The following ZSWIM4 variants were observed in gnomAD, a reference collection of about 807,000 sequenced individuals.
The protein encoded by ZSWIM4 is zinc finger SWIM domain-containing protein 4.
ZSWIM4 carries 62 observed loss-of-function variants against 102.5 expected under a neutral mutation model. The observed-to-expected ratio is 0.60, with a 90% CI of 0.49 to 0.75. ZSWIM4 has a LOEUF of 0.75. Among genes scored for constraint, ZSWIM4 ranks in the 30% least tolerant of loss-of-function variants. The pLI, the probability that ZSWIM4 is intolerant of heterozygous loss-of-function variation, is 0.00. For synonymous variants in ZSWIM4, 652 were observed against 674.5 expected (o/e 0.97, Z 0.52); for missense variants, 1,280 against 1,529.6 (o/e 0.84, Z 2.72).
chr19:13,808,067 C>G (rs766737472), intron 3 of ZSWIM4, among the ~76,000 whole-genome samples: 3 of 151,980 alleles, frequency 2.0e-5, no homozygotes, highest in Non-Finnish European at 4.4e-5. Flanking sequence ...GGGGGAGACA[C>G]TACACACTTT....
intron 2 of ZSWIM4, among the ~76,000 whole-genome samples, chr19:13,804,468 CCAAA>C (rs1027352098): frequency 2.1e-5 from 3 of 143,758 alleles, no homozygotes; most frequent in African/African-American, 8.4e-5. Context: ...AAGCTCTGTC[CCAAA>C]TAAATAAATA....
chr19:13,804,703 C>T (rs527315012), intron 2 of ZSWIM4, 89 bp from the exon 3 acceptor site: 4 of 1,083,808 alleles, frequency 3.7e-6, no homozygotes, highest in African/African-American at 3.2e-5. Flanking sequence ...AGTGACTCGG[C>T]TGGGCTTTGC....
chr19:13,817,796 GTGCTGGCGCTGGAGGTGGCAC>G lies in ZSWIM4; in HGVS notation c.1751_1771del (p.Ala584_Leu590del). 1.9e-6 allele frequency: 3 copies of G among 1,593,582 alleles called. No individual in the cohort carries two copies. The highest frequency in any genetic ancestry group is 2.6e-6 in the Non-Finnish European group (3 of 1,171,538). On this transcript the variant is annotated inframe_deletion, in exon 9 of 14. Coordinates refer to ENST00000590508, the MANE Select transcript of ZSWIM4 (RefSeq NM_001367834.3). ...CGGGAGCCCTGGGGAGTCCTACTTG[GTGCTGGCGCTGGAGGTGGCAC>G]TGCTGGGGCTGGGGCAGCAGCGGGC...
chr19:13,805,452 G>A (rs1974894454), intron 3 of ZSWIM4, among the ~76,000 whole-genome samples: 1 of 152,026 alleles, frequency 6.6e-6, no homozygotes, highest in South Asian at 2.1e-4. Flanking sequence ...GTCAATAGAT[G>A]GAGCATCCTG....
rs1264460774 is a variant in ZSWIM4, at chr19:13,809,993, T to G, written c.1012+773T>G. Among the ~76,000 whole-genome samples the G allele has an allele frequency of 6.9e-6, 1 of 145,218 alleles. No homozygotes were observed. Among genetic ancestry groups the G allele is most frequent in the Non-Finnish European group, 1.5e-5 (1 of 66,784 alleles). On this transcript the variant is annotated intron_variant, in intron 5 of 13. Transcript: ENST00000590508. This position sits in a 1 kb window ranked among gnomAD's most constrained non-coding sequence, Gnocchi z 4.2. ...GTTTGTTTGTTTTCTTTTCTTTTCT[T>G]TTTTTTTTTTTGAGAAGGAGTCTCG...
rs1423162616 is a variant in ZSWIM4 at position 13,804,740 on chromosome 19, C to T, written c.356-52C>T. 2.0e-6 allele frequency: 3 copies of T among 1,477,438 alleles called. No homozygotes were observed. In the Admixed American group the frequency reaches 5.8e-5, roughly 28 times the overall value. 91.5% of individuals were successfully genotyped at this position (1,477,438 alleles called of 1,614,324 possible). On this transcript the variant is annotated intron_variant, in intron 2 of 13. Transcript: ENST00000590508. ...ACCGGGTCTTGCTGTGTACCACAAA[C>T]ACCGCCTGTCTCTGGGATGACACGG...
At chr19:13,813,745 AC>A (rs1975177088) in intron 6 of ZSWIM4, among the ~76,000 whole-genome samples, 1 of 151,754 alleles carries the variant, frequency 6.6e-6, no homozygotes, top group Admixed American at 6.6e-5. Context: ...ACATGGTGAG[AC>A]CTTGTCTCTA....
At chr19:13,806,913 G>A (rs1007989124) in intron 3 of ZSWIM4, among the ~76,000 whole-genome samples, 1 of 152,136 alleles carries the variant, frequency 6.6e-6, no homozygotes, top group Admixed American at 6.6e-5. Flanking sequence ...GGCGCTTTGT[G>A]TAGGGTGGAT....
chr19:13,799,255 T>A (rs1031690557), intron 1 of ZSWIM4, among the ~76,000 whole-genome samples: 1 of 146,428 alleles, frequency 6.8e-6, no homozygotes, highest in Non-Finnish European at 1.5e-5. Flanking sequence ...TAATTTTTTT[T>A]ATTTTTTTAT....
At position 13,830,471 on chromosome 19, in the gene ZSWIM4, CG is replaced by C; in HGVS notation, c.2744del (p.Gly915AlafsTer99). Reference protein sequence around the residue: ...AYQIVLDAAAGGLGHAHLFTV... With the variant: ...AYQIVLDAAAXGLGHAHLFTV... Reference sequence around the variant, plus strand: ...ACCAGATCGTGCTGGACGCGGCGGCCGGCGGCCTGGGCCACGCCCACCTCTT... The same window carrying C: ...ACCAGATCGTGCTGGACGCGGCGGCCGCGGCCTGGGCCACGCCCACCTCTT... On this transcript the variant is annotated frameshift_variant, in exon 14 of 14. Transcript: ENST00000590508. LOFTEE classifies it high-confidence loss of function. The C allele has an allele frequency of 1.2e-6, 2 of 1,603,254 alleles. No individual in the cohort carries two copies. The highest frequency in any genetic ancestry group is 8.5e-7 in the Non-Finnish European group (1 of 1,179,710).
chr19:13,819,654 A>ATTATTTATTTATTTAT (rs539022265), intron 10 of ZSWIM4, among the ~76,000 whole-genome samples, 162 bp downstream of exon 10: 2 of 150,250 alleles, frequency 1.3e-5, no homozygotes, highest in African/African-American at 4.9e-5. Context: ...TTTCATTATT[A>ATTATTTATTTATTTAT]TTATTTATTT....
At chr19:13,823,311 C>T (rs1975516757) in intron 10 of ZSWIM4, 35 bp from the exon 11 acceptor site, 14 of 1,588,008 alleles carry the variant, frequency 8.8e-6, no homozygotes, top group South Asian at 1.1e-5. Flanking sequence ...GACAGCAGCC[C>T]CTCCTCACCA....
rs1167259239 is a variant in ZSWIM4 at position 13,809,151 on chromosome 19, C to T, written c.943C>T (p.Arg315Cys). ...LMTEQFLQDT[R>C]LALWRQQGAG... ...GACCGAGCAGTTCCTGCAGGACACG[C>T]GCCTGGCCCTGTGGCGGCAGCAGGG... Residue 315 changes from arginine to cysteine, a missense_variant, in exon 5 of 14, where the codon CGC becomes TGC. Physicochemically the swap from Arg to Cys is radical, Grantham distance 180 (BLOSUM62 -3). Coordinates refer to ENST00000590508, the MANE Select transcript of ZSWIM4 (RefSeq NM_001367834.3). The surrounding 1 kb of genome is among the most constrained non-coding windows in gnomAD (Gnocchi z 4.2). The T allele has an allele frequency of 3.7e-6, 6 of 1,613,640 alleles. No individual in the cohort carries two copies. Among genetic ancestry groups the T allele is most frequent in the Non-Finnish European group, 5.1e-6 (6 of 1,179,718 alleles).
At position 13,814,587 on chromosome 19, in the gene ZSWIM4, G is replaced by A. The variant is rs1450814795; in HGVS notation, c.1253G>A (p.Gly418Glu). 8.4e-7 allele frequency: 1 copy of A among 1,194,282 alleles called. No homozygotes were observed. Among genetic ancestry groups the A allele is most frequent in the African/African-American group, 1.6e-5 (1 of 63,194 alleles). The allele number at this position is 1,194,282 out of a possible 1,614,324, so 74.0% of individuals were successfully genotyped here. Residue 418 changes from glycine (G) to glutamate (E), a missense_variant, in exon 7 of 14, where the codon GGA becomes GAA. Physicochemically the swap from Gly to Glu is moderately conservative, Grantham distance 98. Transcript: ENST00000590508. ...HTVFGRALLA[G>E]ELHWNDAYLQ... ...GTATTTGGCCGCGCCTTGCTGGCTG[G>A]AGAGCTACACTGGAATGACGCCTAC... is the stretch of plus-strand genomic sequence containing the variant.
rs1424992300 is a variant in ZSWIM4, at chr19:13,830,619, G to A, written c.2890G>A (p.Val964Met). The A allele has an allele frequency of 1.2e-6, 2 of 1,600,262 alleles. No individual in the cohort carries two copies. The highest frequency in any genetic ancestry group is 1.3e-5 in the African/African-American group (1 of 74,934). The change falls in exon 14 of 14, where the codon GTG becomes ATG. Residue 964 changes from valine (V) to methionine (M), a missense_variant. Val to Met is a conservative substitution (Grantham distance 21). Transcript: ENST00000590508. ...GGACAGCCACCCTGCCGTCAACGAC[G>A]TGCTTTGGGCCTGCTCTCTCAGCCA... is the stretch of plus-strand genomic sequence containing the variant. ...NQDSHPAVND[V>M]LWACSLSHSL...
chr19:13,804,662 G>T, intron 2 of ZSWIM4, 130 bp from the exon 3 acceptor site: 2 of 709,058 alleles, frequency 2.8e-6, no homozygotes, highest in Non-Finnish European at 4.6e-6. Context: ...AAAAAAAAAT[G>T]CAAAGTGAGT....
At position 13,814,703 on chromosome 19, in the gene ZSWIM4, C is replaced by T. The variant is rs895382733; in HGVS notation, c.1369C>T (p.Pro457Ser). ...DKPTFDPQGR[P>S]LWLGEPFPTA... ...ACCGACTTTCGACCCCCAGGGCCGC[C>T]CACTGTGGCTGGGAGAACCTTTCCC... The change falls in exon 7 of 14, where the codon CCA becomes TCA. Residue 457 changes from proline (P) to serine (S), a missense_variant. By Grantham distance (74) the Pro-to-Ser change is moderately conservative. Transcript: ENST00000590508. The T allele has an allele frequency of 1.0e-5, 13 of 1,287,562 alleles. No homozygotes were observed. Among genetic ancestry groups the T allele is most frequent in the Non-Finnish European group, 1.3e-5 (13 of 987,192 alleles). 79.8% of individuals were successfully genotyped at this position (1,287,562 alleles called of 1,614,324 possible).
intron 12 of ZSWIM4, among the ~76,000 whole-genome samples, chr19:13,828,433 CAAAA>C (rs1212692555): frequency 1.7e-4 from 26 of 151,846 alleles, no homozygotes; most frequent in Admixed American, 1.7e-3. Flanking sequence ...AAAACAACAA[CAAAA>C]AAGAAAAAAC....
chr19:13,819,554 G>C, intron 10 of ZSWIM4, 62 bp downstream of exon 10: 1 of 1,527,832 alleles, frequency 6.5e-7, no homozygotes, highest in Non-Finnish European at 8.8e-7. Flanking sequence ...CGGGCATGGG[G>C]GGTAGCTCAG....
Sources: allele counts gnomAD v4.1 joint callset (sites outside exome capture counted in the v4.1 genomes callset), GRCh38; gene constraint gnomAD v4.1.1; non-coding constraint Gnocchi (gnomAD v3.1); transcripts MANE v1.5; gene names NCBI Gene and HGNC (gene_info 2026-07-23, HGNC 2026-07-21).